ZNF267: variants seen among roughly 807,000 people sequenced by gnomAD.
ZNF267 encodes zinc finger protein 267.
Under a neutral mutation model 71.6 loss-of-function variants are expected in ZNF267, and 61 were observed. The observed-to-expected ratio is 0.85, with a 90% CI of 0.69 to 1.05. ZNF267 has a LOEUF of 1.05. Ranked by LOEUF, ZNF267 falls within the 50% of genes least tolerant of loss-of-function variation. The probability of loss-of-function intolerance (pLI) is 0.00; values close to 1 mark genes in which losing one functional copy is unlikely to be tolerated. For synonymous variants in ZNF267, 288 were observed against 293.2 expected, an observed-to-expected ratio of 0.98 and a Z score of 0.18; for missense variants, 852 against 870.0, an observed-to-expected ratio of 0.98 and a Z score of 0.26.
chr16:31,887,925 G>A (rs1287057692), intron 3 of ZNF267, among the ~76,000 whole-genome samples: 2 of 151,998 alleles, frequency 1.3e-5, no homozygotes, highest in African/African-American at 4.8e-5. Flanking sequence ...CCATTAAAAT[G>A]TCAATACAGA....
At chr16:31,911,746 T>C (rs1306968536) in intron 3 of ZNF267, 1 of 151,552 alleles carries the variant, frequency 6.6e-6, no homozygotes, top group African/African-American at 2.4e-5. Flanking sequence ...CCTTCCTTTC[T>C]GTCTTCATTT....
intron 3 of ZNF267, among the ~76,000 whole-genome samples, chr16:31,904,472 G>A (rs1399428994): frequency 1.3e-5 from 2 of 152,248 alleles, no homozygotes; most frequent in African/African-American, 4.8e-5. Flanking sequence ...GGGTGCTCCT[G>A]TATGGGGTAC....
rs1447332737 is a variant in ZNF267 at position 31,917,029 on chromosome 16, A to G, written c.*548A>G. 1 of 152,852 alleles carries G rather than the reference A, an allele frequency of 6.5e-6. No individual in the cohort carries two copies. The highest frequency in any genetic ancestry group is 2.4e-5 in the African/African-American group (1 of 41,474). The allele number at this position is 152,852 out of a possible 1,614,324, so 9.5% of individuals were successfully genotyped here. ...GTTTTGACAGGTATATTTCATAGAT[A>G]CTTCATTTGTATTTACAGTATTTGA... On this transcript the variant is annotated 3_prime_UTR_variant, in exon 4 of 4. Transcript: ENST00000300870.
At chr16:31,899,540 G>T (rs2084023237) in intron 3 of ZNF267, among the ~76,000 whole-genome samples, 1 of 152,138 alleles carries the variant, frequency 6.6e-6, no homozygotes, top group Admixed American at 6.5e-5. Flanking sequence ...GCAGTGTGTA[G>T]GTGGAAATTT....
chr16:31,885,189 C>A lies in ZNF267; in HGVS notation c.159C>A (p.Ile53=), dbSNP rs1463567976. 1 of 1,611,394 alleles carries A rather than the reference C, an allele frequency of 6.2e-7. No homozygotes were observed. Among genetic ancestry groups the A allele is most frequent in the African/African-American group, 1.3e-5 (1 of 74,958 alleles). ...TTGTTGTCTCTAAGCCGGACCTGAT[C>A]ACCTTTTTGGAACAAAGGAAAGAGC... ...LGLVVSKPDL[I]TFLEQRKEPW... Residue 53 remains isoleucine, a synonymous_variant, in exon 3 of 4, where the codon ATC becomes ATA. Coordinates refer to ENST00000300870, the MANE Select transcript of ZNF267 (RefSeq NM_003414.6).
In ZNF267 at chr16:31,915,373, C is replaced by A. The variant is rs776339435; in HGVS notation, c.1124C>A (p.Thr375Asn). 30 of 1,613,300 alleles carry A rather than the reference C, an allele frequency of 1.9e-5. No homozygotes were observed. The Admixed American group carries it at 4.8e-4, about 26-fold the overall frequency. ...CTTACTAAACAGCAGCAAATTGATA[C>A]TGGAGAAAACCTTTACAAATGTAAA... is the stretch of plus-strand genomic sequence containing the variant. ...LYLTKQQQID[T>N]GENLYKCKAC... The change falls in exon 4 of 4, where the codon ACT (threonine) becomes AAT (asparagine). Residue 375 changes from threonine (T) to asparagine (N), a missense_variant. Physicochemically the swap from Thr to Asn is moderately conservative, Grantham distance 65. Transcript: ENST00000300870.
At chr16:31,903,176 G>A (rs2084056953) in intron 3 of ZNF267, among the ~76,000 whole-genome samples, 1 of 152,134 alleles carries the variant, frequency 6.6e-6, no homozygotes, top group Non-Finnish European at 1.5e-5. Flanking sequence ...ATGTGTTGCT[G>A]GATTCGGTTT....
intron 1 of ZNF267, among the ~76,000 whole-genome samples, chr16:31,884,233 C>T (rs1172773845): frequency 6.6e-6 from 1 of 152,074 alleles, no homozygotes; most frequent in Non-Finnish European, 1.5e-5. Flanking sequence ...ATATAGCACC[C>T]AAAAATGTAT....
At chr16:31,879,741 A>G (rs1471635941) in intron 1 of ZNF267, among the ~76,000 whole-genome samples, 1 of 152,204 alleles carries the variant, frequency 6.6e-6, no homozygotes, top group African/African-American at 2.4e-5. Flanking sequence ...TCAGTTAGCC[A>G]TTCCAGCTCT....
intron 3 of ZNF267, among the ~76,000 whole-genome samples, chr16:31,888,119 AT>A (rs1555511715): frequency 6.6e-6 from 1 of 152,008 alleles, no homozygotes; most frequent in Non-Finnish European, 1.5e-5. Context: ...TTTAAAAAAA[AT>A]TTTTGATACT....
intron 1 of ZNF267, among the ~76,000 whole-genome samples, chr16:31,881,305 C>A (rs960512871): frequency 1.3e-5 from 2 of 151,962 alleles, no homozygotes; most frequent in African/African-American, 4.8e-5. Context: ...CTAGCCCAGC[C>A]CCTGCCCCAG....
intron 1 of ZNF267, among the ~76,000 whole-genome samples, chr16:31,880,775 T>G (rs1469464271): frequency 6.6e-6 from 1 of 152,222 alleles, no homozygotes; most frequent in Non-Finnish European, 1.5e-5. Flanking sequence ...AGTTTTCTAA[T>G]GTGTGGGTGA....
intron 3 of ZNF267, chr16:31,913,465 C>G (rs989261782): frequency 2.6e-5 from 4 of 152,274 alleles, no homozygotes; most frequent in Admixed American, 6.5e-5. Context: ...TGGCTACCAC[C>G]TAAGTTTACT....
At chr16:31,895,907 T>A (rs2083994776) in intron 3 of ZNF267, among the ~76,000 whole-genome samples, 1 of 152,258 alleles carries the variant, frequency 6.6e-6, no homozygotes, top group South Asian at 2.1e-4. Flanking sequence ...AAATATTTTC[T>A]CACATTGTTT....
rs545189982 is a variant in ZNF267 at position 31,916,667 on chromosome 16, A to G, written c.*186A>G. The G allele has an allele frequency of 1.1e-5, 7 of 649,644 alleles. No homozygotes were observed. In the East Asian group the frequency reaches 2.0e-4, roughly 18 times the overall value. The allele number at this position is 649,644 out of a possible 1,614,324, so 40.2% of individuals were successfully genotyped here. On this transcript the variant is annotated 3_prime_UTR_variant, in exon 4 of 4. Coordinates refer to ENST00000300870, the MANE Select transcript of ZNF267 (RefSeq NM_003414.6). The stretch of plus-strand genomic sequence containing the variant: ...CCATACAAATATTAAAAATGTGGCA[A>G]ATTATTTTAAACTGTGCTCAACCCT...
In ZNF267 at chr16:31,917,125, G is replaced by A. The variant is rs2084185009; in HGVS notation, c.*644G>A. 1 of 151,770 alleles carries A rather than the reference G, an allele frequency of 6.6e-6. No individual in the cohort carries two copies. The highest frequency in any genetic ancestry group is 2.4e-5 in the African/African-American group (1 of 41,286). 9.4% of individuals were successfully genotyped at this position (151,770 alleles called of 1,614,324 possible). On this transcript the variant is annotated 3_prime_UTR_variant, in exon 4 of 4. Coordinates refer to ENST00000300870, the MANE Select transcript of ZNF267 (RefSeq NM_003414.6). Reference sequence around the variant, plus strand: ...CTGTTGCTGCTTTTCCTTAATCCGTGGTGTTCATGTGAAAATATGTGTTCT... The same window carrying A: ...CTGTTGCTGCTTTTCCTTAATCCGTAGTGTTCATGTGAAAATATGTGTTCT...
chr16:31,874,065 C>A, intron 1 of ZNF267, 96 bp downstream of exon 1: 1 of 1,417,896 alleles, frequency 7.1e-7, no homozygotes, highest in Non-Finnish European at 9.8e-7. Flanking sequence ...TCCCCGCAGT[C>A]AGCCTCGGGG....
rs2083910566 is a variant in ZNF267, at chr16:31,884,561, C to T, written c.67C>T (p.Pro23Ser). 1.9e-6 allele frequency: 3 copies of T among 1,613,968 alleles called. No individual in the cohort carries two copies. The highest frequency in any genetic ancestry group is 1.7e-5 in the Admixed American group (1 of 60,008). Residue 23 changes from proline (P) to serine (S), a missense_variant, in exon 2 of 4, where the codon CCA becomes TCA. Coordinates refer to ENST00000300870, the MANE Select transcript of ZNF267 (RefSeq NM_003414.6). ...TTTGGAGGAGTGGGAACACCTGGAA[C>T]CAGCTCAGAAGAATTTGTATCAGGA... The part of the protein sequence containing the change: ...FSLEEWEHLE[P>S]AQKNLYQDVM...
rs756643367 is a variant in ZNF267, at chr16:31,885,152, A to G, written c.131-9A>G. On this transcript the variant is annotated splice_polypyrimidine_tract_variant and intron_variant, in intron 2 of 3. Coordinates refer to ENST00000300870, the MANE Select transcript of ZNF267 (RefSeq NM_003414.6). ...ATTAAGAGTCATGTGAATTTTTCCA[A>G]TAAAACAGGTCTTGTTGTCTCTAAG... 1.3e-5 allele frequency: 20 copies of G among 1,582,456 alleles called. No individual in the cohort carries two copies. Among genetic ancestry groups the G allele is most frequent in the African/African-American group, 6.8e-5 (5 of 73,258 alleles).
Sources: allele counts gnomAD v4.1 joint callset (sites outside exome capture counted in the v4.1 genomes callset), GRCh38; gene constraint gnomAD v4.1.1; transcripts MANE v1.5; gene names NCBI Gene and HGNC (gene_info 2026-07-23, HGNC 2026-07-21).